The following CUBN variants were observed in gnomAD, a reference collection of about 807,000 sequenced individuals.
CUBN encodes the protein 460 kDa receptor.
A neutral mutation model predicts 405.3 loss-of-function variants in CUBN; 282 were observed. The ratio of observed to expected loss-of-function variants is 0.70; its 90% CI spans 0.63 to 0.77. The LOEUF is 0.77. Among genes scored for constraint, CUBN ranks in the 30% least tolerant of loss-of-function variants. The pLI, the probability that CUBN is intolerant of heterozygous loss-of-function variation, is 0.00. For synonymous variants in CUBN, 1,684 were observed against 1,617.0 expected (o/e 1.04, Z -0.99); for missense variants, 4,514 against 4,475.2 (o/e 1.01, Z -0.25).
intron 27 of CUBN, among the ~76,000 whole-genome samples, chr10:17,027,228 T>G (rs186073025): frequency 2.7e-3 from 404 of 152,368 alleles, no homozygotes; most frequent in Non-Finnish European, 4.7e-3. Context: ...GATACTTATC[T>G]CAGAACTGTT....
intron 60 of CUBN, among the ~76,000 whole-genome samples, chr10:16,847,367 G>T (rs189990862): frequency 0.016 from 2,376 of 152,134 alleles, 65 homozygotes; most frequent in African/African-American, 0.054. Context: ...CAGGAGAATG[G>T]CGTGAACCCG....
At chr10:16,981,502 T>C in intron 31 of CUBN, among the ~76,000 whole-genome samples, 1 of 152,180 alleles carries the variant, frequency 6.6e-6, no homozygotes. Context: ...TGGTTAACAC[T>C]TAGCTGTCCA....
At chr10:16,831,839 T>C (rs1216367125) in intron 64 of CUBN, among the ~76,000 whole-genome samples, 1 of 145,746 alleles carries the variant, frequency 6.9e-6, no homozygotes, top group Non-Finnish European at 1.5e-5. Flanking sequence ...TCATTGTGTG[T>C]GTGTTTGTGT....
chr10:16,995,025 A>T (rs1833693205), intron 28 of CUBN, among the ~76,000 whole-genome samples: 1 of 152,164 alleles, frequency 6.6e-6, no homozygotes, highest in South Asian at 2.1e-4. Flanking sequence ...CAGGAGGTGG[A>T]AGTCGCATTG....
At chr10:16,979,012 A>G (rs1004804405) in intron 31 of CUBN, among the ~76,000 whole-genome samples, 2 of 152,216 alleles carry the variant, frequency 1.3e-5, no homozygotes, top group Admixed American at 6.5e-5. Flanking sequence ...CACAAAATCA[A>G]TGTGCAAAAA....
chr10:16,901,424 T>A lies in CUBN; in HGVS notation c.8098A>T (p.Ile2700Phe). 1 of 1,614,126 alleles carries A rather than the reference T, an allele frequency of 6.2e-7. No homozygotes were observed. The highest frequency in any genetic ancestry group is 8.5e-7 in the Non-Finnish European group (1 of 1,179,988). ...GCATTTGGATAGTTGGGGCTTGTGA[T>A]CACTCCACTGTCACCTATCTGTATT... ...GGIQIGDSGV[I>F]TSPNYPNAYD... The change falls in exon 52 of 67, where the codon ATC (isoleucine) becomes TTC (phenylalanine). Residue 2700 changes from isoleucine (I) to phenylalanine (F), a missense_variant. Ile to Phe is a conservative substitution (Grantham distance 21, BLOSUM62 0). Around this residue, in one of 5 missense-constraint regions of CUBN, gnomAD observed 1,186 missense variants for 1,186.9 expected, o/e 1.00. Coordinates refer to ENST00000377833, the MANE Select transcript of CUBN (RefSeq NM_001081.4).
chr10:17,103,098 C>A (rs753328718), intron 13 of CUBN, 27 bp downstream of exon 13: 1 of 1,183,504 alleles, frequency 8.4e-7, no homozygotes, highest in Non-Finnish European at 1.3e-6. Context: ...ATATAATATG[C>A]ATTTGGGCAA....
At position 17,122,821 on chromosome 10, in the gene CUBN, T is replaced by A. The variant is rs1192348072; in HGVS notation, c.567A>T (p.Thr189=). The stretch of plus-strand genomic sequence containing the variant: ...TGTAACTTCCCATTGTATTAACACA[T>A]GTGCCTCCATTCTGGCAGCTCAAGG... ...GTPLSCQNGG[T]CVNTMGSYSC... The change falls in exon 6 of 67, where the codon ACA becomes ACT. Residue 189 remains threonine, a synonymous_variant. Coordinates refer to ENST00000377833, the MANE Select transcript of CUBN (RefSeq NM_001081.4). The A allele has an allele frequency of 1.9e-6, 3 of 1,611,164 alleles. No individual in the cohort carries two copies. Among genetic ancestry groups the A allele is most frequent in the Non-Finnish European group, 1.7e-6 (2 of 1,178,018 alleles).
chr10:16,876,015 T>C (rs1037769924), intron 57 of CUBN, among the ~76,000 whole-genome samples: 2 of 152,228 alleles, frequency 1.3e-5, no homozygotes, highest in Non-Finnish European at 2.9e-5. Flanking sequence ...GGAGTCAGGA[T>C]GCCGATAGCA....
intron 14 of CUBN, among the ~76,000 whole-genome samples, chr10:17,099,394 A>T (rs1836447155): frequency 6.6e-6 from 1 of 152,210 alleles, no homozygotes; most frequent in Non-Finnish European, 1.5e-5. Context: ...TGTCCTCAAT[A>T]TTCCTGCAGT....
intron 28 of CUBN, among the ~76,000 whole-genome samples, chr10:17,016,014 C>T (rs1834318208): frequency 6.6e-6 from 1 of 152,158 alleles, no homozygotes; most frequent in Non-Finnish European, 1.5e-5. Context: ...TTTAATAATG[C>T]CTCCAGATTT....
rs1841489356 is a variant in CUBN at position 16,904,081 on chromosome 10, A to G, written c.7947T>C (p.Cys2649=). 6.2e-7 allele frequency: 1 copy of G among 1,613,988 alleles called. No homozygotes were observed. The highest frequency in any genetic ancestry group is 8.5e-7 in the Non-Finnish European group (1 of 1,179,848). ...DADGPLMWRL[C]GPSKPTLPLV... ...ATGGCAATGTAGGCTTTGAAGGACC[A>G]CAAAGTCTCCACATCAGGGGCCCAT... is the stretch of plus-strand genomic sequence containing the variant. Residue 2649 remains cysteine, a synonymous_variant, in exon 51 of 67, where the codon TGT becomes TGC. Transcript: ENST00000377833.
chr10:17,105,340 C>T, intron 11 of CUBN, 117 bp downstream of exon 11: 1 of 781,980 alleles, frequency 1.3e-6, no homozygotes, highest in Non-Finnish European at 2.4e-6. Flanking sequence ...CTCGACAGTT[C>T]CTTATCTGAA....
chr10:17,125,581 G>C (rs548866046), intron 4 of CUBN, among the ~76,000 whole-genome samples: 2 of 152,142 alleles, frequency 1.3e-5, no homozygotes, highest in East Asian at 3.9e-4. Flanking sequence ...ACACTGTCTG[G>C]GGACTAAAAT....
chr10:17,071,637 C>T (rs1180010694), intron 18 of CUBN, 33 bp from the exon 19 acceptor site: 1 of 1,592,130 alleles, frequency 6.3e-7, no homozygotes, highest in Non-Finnish European at 8.6e-7. Flanking sequence ...AGTGCTTGTC[C>T]AGATATTAAT....
At chr10:16,932,426 T>C (rs948444368) in intron 40 of CUBN, among the ~76,000 whole-genome samples, 6 of 152,154 alleles carry the variant, frequency 3.9e-5, no homozygotes, top group African/African-American at 1.4e-4. Context: ...AAGCCCAATT[T>C]TGTATAAGGC....
At chr10:16,984,363 C>G in intron 29 of CUBN, 84 bp from the exon 30 acceptor site, 1 of 1,289,878 alleles carries the variant, frequency 7.8e-7, no homozygotes, top group Non-Finnish European at 1.1e-6. Flanking sequence ...TGACCCCCGG[C>G]TCCTTGGGTT....
intron 29 of CUBN, among the ~76,000 whole-genome samples, chr10:16,989,140 G>C (rs1176600070): frequency 2.6e-5 from 4 of 152,076 alleles, no homozygotes; most frequent in Admixed American, 2.6e-4. Context: ...GGTTCTACTG[G>C]ATATAGAATC....
At chr10:16,845,073 G>A (rs968258683) in intron 60 of CUBN, among the ~76,000 whole-genome samples, 1 of 152,132 alleles carries the variant, frequency 6.6e-6, no homozygotes, top group East Asian at 1.9e-4. Context: ...GATCCTGAAG[G>A]CATTGTACAA....
Sources: allele counts gnomAD v4.1 joint callset (sites outside exome capture counted in the v4.1 genomes callset), GRCh38; gene constraint gnomAD v4.1.1; regional missense constraint gnomAD v4.1.1; transcripts MANE v1.5; gene names NCBI Gene and HGNC (gene_info 2026-07-23, HGNC 2026-07-21).